CDC37L1: variants seen among roughly 807,000 people sequenced by gnomAD.
CDC37L1 encodes the protein cell division cycle 37 like 1, HSP90 cochaperone.
A neutral mutation model predicts 45.9 loss-of-function variants in CDC37L1; 32 were observed. That is an observed-to-expected ratio of 0.70 (90% CI 0.53 to 0.94). The LOEUF (loss-of-function observed/expected upper bound fraction) is 0.94, where lower values mean the gene tolerates loss of function less well. CDC37L1 is among the 40% of genes least tolerant of loss of function. The pLI is 0.00. For synonymous variants in CDC37L1, 150 were observed against 133.0 expected (o/e 1.13, Z -0.88); for missense variants, 434 against 405.7 (o/e 1.07, Z -0.60).
At chr9:4,703,356 G>GA (rs113364976) in intron 6 of CDC37L1, 22,645 of 180,776 alleles carry the variant, frequency 0.13, 1,389 homozygotes, top group East Asian at 0.35. Flanking sequence ...TACTCTGGCT[G>GA]AAAAAAAAAA....
Position 4,697,127 on chromosome 9 carries a change from A to G in CDC37L1, c.540A>G (p.Arg180=), listed in dbSNP as rs1587621647. The G allele has an allele frequency of 6.3e-7, 1 of 1,577,750 alleles. No individual in the cohort carries two copies. The highest frequency in any genetic ancestry group is 8.7e-7 in the Non-Finnish European group (1 of 1,148,208). ...TGAGTCGATGGGATGATAGCCAGAGATTTTTGTCTGACCATCCATACCTTG... is the reference window on the plus strand; with the variant it reads ...TGAGTCGATGGGATGATAGCCAGAGGTTTTTGTCTGACCATCCATACCTTG... The part of the protein sequence containing the change: ...GMLSRWDDSQ[R]FLSDHPYLVC... Residue 180 remains arginine (R), a synonymous_variant, in exon 4 of 7, where the codon AGA becomes AGG. Transcript: ENST00000381854.
At chr9:4,692,047 T>C (rs1461145451) in intron 3 of CDC37L1, among the ~76,000 whole-genome samples, 1 of 152,130 alleles carries the variant, frequency 6.6e-6, no homozygotes, top group Non-Finnish European at 1.5e-5. Flanking sequence ...TTTTAATCTG[T>C]GTAGGATGTT....
chr9:4,696,849 T>A (rs765592563), intron 3 of CDC37L1, among the ~76,000 whole-genome samples: 7 of 152,260 alleles, frequency 4.6e-5, no homozygotes, highest in Non-Finnish European at 8.8e-5. Context: ...CCTGATTAAT[T>A]ATCTGAAATA....
At chr9:4,682,950 A>G (rs1411559097) in intron 1 of CDC37L1, among the ~76,000 whole-genome samples, 3 of 145,908 alleles carry the variant, frequency 2.1e-5, no homozygotes, top group Non-Finnish European at 3.0e-5. Context: ...GTAAAAATAA[A>G]TATTTTATTT....
Position 4,699,559 on chromosome 9 carries a change from C to T in CDC37L1, c.747+1680C>T, listed in dbSNP as rs1018500117. Reference sequence around the variant, plus strand: ...AATGGATATATCTAGTATCAATGTTCGTATTTTGTATTTTTTTATAAAGTA... The same window carrying T: ...AATGGATATATCTAGTATCAATGTTTGTATTTTGTATTTTTTTATAAAGTA... On this transcript the variant is annotated intron_variant, in intron 5 of 6. Transcript: ENST00000381854. 6.6e-5 allele frequency among the ~76,000 whole-genome samples: 10 copies of T among 151,796 alleles called. 1 individual carries two copies. In the East Asian group the frequency reaches 1.4e-3, roughly 21 times the overall value.
chr9:4,697,594 A>C (rs1587621857), intron 4 of CDC37L1, among the ~76,000 whole-genome samples, 163 bp from the exon 5 acceptor site: 1 of 146,832 alleles, frequency 6.8e-6, no homozygotes, highest in Admixed American at 6.7e-5. Context: ...CATACAAATA[A>C]TAAAAAAAAA....
intron 4 of CDC37L1, 53 bp downstream of exon 4, chr9:4,697,264 C>A: frequency 1.2e-6 from 1 of 818,454 alleles, no homozygotes; most frequent in South Asian, 1.4e-5. Context: ...AATCTGATTT[C>A]ATACTTTATT....
chr9:4,690,302 G>C, intron 3 of CDC37L1, among the ~76,000 whole-genome samples: 1 of 152,180 alleles, frequency 6.6e-6, no homozygotes, highest in East Asian at 1.9e-4. Context: ...TCCACATCTA[G>C]AGTGGGCTCG....
intron 5 of CDC37L1, among the ~76,000 whole-genome samples, chr9:4,699,820 T>A (rs2130853023): frequency 6.6e-6 from 1 of 152,288 alleles, no homozygotes; most frequent in African/African-American, 2.4e-5. Context: ...GCATATCTTT[T>A]ACATGCTCTT....
chr9:4,700,929 C>G (rs1420696747), intron 5 of CDC37L1, among the ~76,000 whole-genome samples: 2 of 152,124 alleles, frequency 1.3e-5, no homozygotes, highest in Non-Finnish European at 2.9e-5. Context: ...AGAAAGAATC[C>G]TTATGGATAT....
intron 1 of CDC37L1, among the ~76,000 whole-genome samples, chr9:4,684,288 A>G (rs1023240469): frequency 6.6e-6 from 1 of 151,850 alleles, no homozygotes; most frequent in African/African-American, 2.4e-5. Context: ...ATCACAAAAT[A>G]TATATATATA....
At chr9:4,685,202 G>A (rs762721255) in intron 2 of CDC37L1, 44 bp downstream of exon 2, 1 of 1,468,870 alleles carries the variant, frequency 6.8e-7, no homozygotes, top group South Asian at 1.2e-5. Context: ...AAAAACTGAA[G>A]TGTTTGTACA....
chr9:4,679,916 G>C lies in CDC37L1; in HGVS notation c.132+17G>C. On this transcript the variant is annotated intron_variant, in intron 1 of 6. Coordinates refer to ENST00000381854, the MANE Select transcript of CDC37L1 (RefSeq NM_017913.4). Reference sequence around the variant, plus strand: ...GGCGCCCAGGTGAGAAGGGGCCTGCGTTCTGCGGAGGGATGGAGTGGTGCT... The same window carrying C: ...GGCGCCCAGGTGAGAAGGGGCCTGCCTTCTGCGGAGGGATGGAGTGGTGCT... 6.2e-7 allele frequency: 1 copy of C among 1,613,248 alleles called. No individual in the cohort carries two copies. The highest frequency in any genetic ancestry group is 8.5e-7 in the Non-Finnish European group (1 of 1,179,748).
chr9:4,679,617 G>A lies in CDC37L1; in HGVS notation c.-151G>A. On this transcript the variant is annotated 5_prime_UTR_variant, in exon 1 of 7. Transcript: ENST00000381854. ...GGCCCAGGCTGTCGCCGGGTGTGCAGCGGCGTCGCGGCCAGTAGAGGGATT... is the reference window on the plus strand; with the variant it reads ...GGCCCAGGCTGTCGCCGGGTGTGCAACGGCGTCGCGGCCAGTAGAGGGATT... The A allele has an allele frequency of 1.5e-6, 1 of 654,050 alleles. No homozygotes were observed. Among genetic ancestry groups the A allele is most frequent in the Middle Eastern group, 4.6e-4 (1 of 2,156 alleles). 40.5% of individuals were successfully genotyped at this position (654,050 alleles called of 1,614,324 possible).
At chr9:4,684,035 C>T (rs1841222490) in intron 1 of CDC37L1, among the ~76,000 whole-genome samples, 1 of 152,202 alleles carries the variant, frequency 6.6e-6, no homozygotes. Context: ...CCTGTAATCC[C>T]AGCACTTTGG....
intron 3 of CDC37L1, among the ~76,000 whole-genome samples, chr9:4,695,855 A>C (rs975457939): frequency 6.6e-6 from 1 of 152,020 alleles, no homozygotes; most frequent in Non-Finnish European, 1.5e-5. Flanking sequence ...CTGTGGTGCA[A>C]TCTCGGCTCG....
intron 3 of CDC37L1, among the ~76,000 whole-genome samples, chr9:4,693,162 G>C (rs932147363): frequency 6.6e-6 from 1 of 151,962 alleles, no homozygotes; most frequent in Non-Finnish European, 1.5e-5. Flanking sequence ...ATCATTCTAA[G>C]CCTGGCATAG....
At chr9:4,703,200 CAT>C in intron 6 of CDC37L1, 2 of 1,285,736 alleles carry the variant, frequency 1.6e-6, no homozygotes, top group Non-Finnish European at 2.0e-6. Context: ...TTTTAAACCT[CAT>C]AAAGTGCTAA....
chr9:4,698,224 G>A (rs1841365723), intron 5 of CDC37L1, among the ~76,000 whole-genome samples: 1 of 151,888 alleles, frequency 6.6e-6, no homozygotes, highest in African/African-American at 2.4e-5. Flanking sequence ...GAGCAAAATA[G>A]ATACAGGATT....
Sources: allele counts gnomAD v4.1 joint callset (sites outside exome capture counted in the v4.1 genomes callset), GRCh38; gene constraint gnomAD v4.1.1; transcripts MANE v1.5; gene names NCBI Gene and HGNC (gene_info 2026-07-23, HGNC 2026-07-21).